Variants in PPM1H observed in about 807,000 individuals in gnomAD.
PPM1H encodes the protein protein phosphatase, Mg2+/Mn2+ dependent 1H, also known as protein phosphatase 1H.
A neutral mutation model predicts 54.9 loss-of-function variants in PPM1H; 27 were observed. The observed-to-expected ratio is 0.49, with a 90% CI of 0.36 to 0.68. The LOEUF is 0.68. Ranked by LOEUF, PPM1H falls within the 30% of genes least tolerant of loss-of-function variation. The pLI is 0.00. For missense variants in PPM1H, 596 were observed against 667.8 expected, an observed-to-expected ratio of 0.89 and a Z score of 1.19; for synonymous variants, 305 against 270.8, an observed-to-expected ratio of 1.13 and a Z score of -1.24.
chr12:62,728,265 G>C (rs191548961), intron 5 of PPM1H, among the ~76,000 whole-genome samples: 1 of 152,234 alleles, frequency 6.6e-6, no homozygotes, highest in East Asian at 1.9e-4. Flanking sequence ...ATCACTTAGT[G>C]ATCTGAGCAG....
At chr12:62,708,912 A>T (rs1171548462) in intron 6 of PPM1H, among the ~76,000 whole-genome samples, 2 of 152,112 alleles carry the variant, frequency 1.3e-5, no homozygotes, top group African/African-American at 4.8e-5. Context: ...CTGGATATAC[A>T]TATTGTCAGC....
intron 1 of PPM1H, among the ~76,000 whole-genome samples, chr12:62,915,791 G>A (rs74629340): frequency 6.6e-6 from 1 of 152,332 alleles, no homozygotes; most frequent in Non-Finnish European, 1.5e-5. Context: ...ACCATTGTAT[G>A]TCTAGTGTCA....
At chr12:62,820,767 C>T (rs1196068489) in intron 2 of PPM1H, among the ~76,000 whole-genome samples, 1 of 152,174 alleles carries the variant, frequency 6.6e-6, no homozygotes, top group Non-Finnish European at 1.5e-5. Context: ...ATCTGTAGGT[C>T]ACTAGCATCA....
At chr12:62,702,581 A>AGAGAGAGAGAGAGAGAGAGAGAG (rs1555190172) in intron 6 of PPM1H, among the ~76,000 whole-genome samples, 2 of 151,812 alleles carry the variant, frequency 1.3e-5, no homozygotes, top group African/African-American at 2.4e-5. Flanking sequence ...AGAGAGAGAG[A>AGAGAGAGAGAGAGAGAGAGAGAG]AATACCACTT....
Position 62,934,614 on chromosome 12 carries a change from G to C in PPM1H, c.123C>G (p.Tyr41Ter), listed in dbSNP as rs1482176576. 2 of 1,585,598 alleles carry C rather than the reference G, an allele frequency of 1.3e-6. No individual in the cohort carries two copies. Among genetic ancestry groups the C allele is most frequent in the Non-Finnish European group, 8.6e-7 (1 of 1,167,202 alleles). ...GGSDLPLRFPYGRPEFLGLSQ... is the reference protein window; with the variant it reads ...GGSDLPLRFP ...ACAGCCCCAGGAACTCTGGCCGCCCGTAGGGGAAACGCAGGGGCAGGTCCG... is the reference window on the plus strand; with the variant it reads ...ACAGCCCCAGGAACTCTGGCCGCCCCTAGGGGAAACGCAGGGGCAGGTCCG... The change falls in exon 1 of 10, where the codon TAC (tyrosine) becomes TAG (stop). Residue 41 changes from tyrosine (Y) to a stop codon, truncating the protein, a stop_gained. Coordinates refer to ENST00000228705, the MANE Select transcript of PPM1H (RefSeq NM_020700.2). LOFTEE classifies it high-confidence loss of function. This position sits in a 1 kb window ranked among gnomAD's most constrained non-coding sequence, Gnocchi z 4.2.
intron 8 of PPM1H, among the ~76,000 whole-genome samples, chr12:62,686,393 G>A (rs2076051987): frequency 6.6e-6 from 1 of 152,168 alleles, no homozygotes; most frequent in Admixed American, 6.5e-5. Flanking sequence ...CTTTACGGAT[G>A]CTTTTTGGAA....
chr12:62,875,202 G>A lies in PPM1H; in HGVS notation c.246-42923C>T, dbSNP rs894482315. Reference sequence around the variant, plus strand: ...ACAACCAGTGAGTGGTAAAGCTTAGGTTGGAAGTTCTCAGGCAACAGGGAC... The same window carrying A: ...ACAACCAGTGAGTGGTAAAGCTTAGATTGGAAGTTCTCAGGCAACAGGGAC... On this transcript the variant is annotated intron_variant, in intron 1 of 9. Coordinates refer to ENST00000228705, the MANE Select transcript of PPM1H (RefSeq NM_020700.2). Among the ~76,000 whole-genome samples, 7 of 152,232 alleles carry A rather than the reference G, an allele frequency of 4.6e-5. No individual in the cohort carries two copies. The East Asian group carries it at 1.2e-3, about 25-fold the overall frequency.
At chr12:62,891,248 T>A (rs620883) in intron 1 of PPM1H, among the ~76,000 whole-genome samples, 3 of 152,018 alleles carry the variant, frequency 2.0e-5, no homozygotes, top group African/African-American at 4.8e-5. Context: ...ACTCATATCA[T>A]ACCTATATGG....
chr12:62,791,028 T>A (rs1172510559), intron 3 of PPM1H, among the ~76,000 whole-genome samples: 1 of 152,154 alleles, frequency 6.6e-6, no homozygotes, highest in African/African-American at 2.4e-5. Flanking sequence ...TTAGGCCAGG[T>A]AAATGGTAGT....
At chr12:62,662,417 TATATC>T (rs1246196282) in intron 9 of PPM1H, among the ~76,000 whole-genome samples, 2 of 152,244 alleles carry the variant, frequency 1.3e-5, no homozygotes, top group Non-Finnish European at 2.9e-5. Flanking sequence ...TGAGCTGAAT[TATATC>T]AGACAATTCG....
intron 8 of PPM1H, among the ~76,000 whole-genome samples, chr12:62,676,380 T>C (rs1290145484): frequency 6.6e-6 from 1 of 152,190 alleles, no homozygotes; most frequent in African/African-American, 2.4e-5. Context: ...GTGTGCTCCA[T>C]GGAGCTGGTG....
At chr12:62,801,670 A>G (rs934011234) in intron 3 of PPM1H, 146 bp downstream of exon 3, 37 of 843,738 alleles carry the variant, frequency 4.4e-5, no homozygotes, top group Non-Finnish European at 6.1e-5. Context: ...TCTATTGGGA[A>G]TGGAAGCCCC....
At chr12:62,704,142 T>C (rs2076160175) in intron 6 of PPM1H, among the ~76,000 whole-genome samples, 1 of 152,174 alleles carries the variant, frequency 6.6e-6, no homozygotes, top group East Asian at 1.9e-4. Flanking sequence ...GGAAACTGTC[T>C]GCTGGAAAGA....
chr12:62,849,369 G>A (rs1330435460), intron 1 of PPM1H, among the ~76,000 whole-genome samples: 2 of 152,208 alleles, frequency 1.3e-5, no homozygotes, highest in Admixed American at 6.5e-5. Flanking sequence ...GATAGATAGG[G>A]AAGGTATTAT....
intron 2 of PPM1H, among the ~76,000 whole-genome samples, chr12:62,821,123 A>C (rs1293879250): frequency 6.6e-6 from 1 of 152,224 alleles, no homozygotes; most frequent in Non-Finnish European, 1.5e-5. Flanking sequence ...TACGTAACGC[A>C]TGCACAAGCT....
intron 4 of PPM1H, chr12:62,755,854 C>T: frequency 1.3e-6 from 1 of 785,990 alleles, no homozygotes; most frequent in Non-Finnish European, 2.3e-6. Context: ...TCATCCCTGC[C>T]TCTACTGGTG....
intron 4 of PPM1H, among the ~76,000 whole-genome samples, chr12:62,778,880 A>G (rs991056084): frequency 3.9e-5 from 6 of 152,010 alleles, no homozygotes; most frequent in African/African-American, 1.2e-4. Context: ...GCAGTGAGCT[A>G]TGACCATGCT....
At chr12:62,672,764 T>C (rs1019935240) in intron 8 of PPM1H, among the ~76,000 whole-genome samples, 1 of 152,210 alleles carries the variant, frequency 6.6e-6, no homozygotes, top group African/African-American at 2.4e-5. Context: ...CAGCTTACAA[T>C]GAACACCCAG....
In PPM1H at chr12:62,648,093, T is replaced by C. The variant is rs563586087; in HGVS notation, c.*396A>G. ...ACCCCCTACTTTCCAATGCAGCACT[T>C]TTTAACCCGTAGATAAGCTGGCAGC... On this transcript the variant is annotated 3_prime_UTR_variant, in exon 10 of 10. Transcript: ENST00000228705. 302 of 161,328 alleles carry C rather than the reference T, an allele frequency of 1.9e-3. 6 individuals are homozygous for C. The highest frequency in any genetic ancestry group is 0.016 in the Admixed American group (269 of 16,438). 10.0% of individuals were successfully genotyped at this position (161,328 alleles called of 1,614,324 possible).
Sources: gnomAD v4.1 joint callset for allele counts (sites outside exome capture counted in the v4.1 genomes callset) on GRCh38, gnomAD v4.1.1 for gene constraint, Gnocchi (gnomAD v3.1) non-coding constraint, MANE v1.5 for transcripts, NCBI Gene and HGNC (gene_info 2026-07-23, HGNC 2026-07-21) for gene names.